KIF26B: variants seen among roughly 807,000 people sequenced by gnomAD.
KIF26B encodes the protein kinesin-like protein KIF26B.
In KIF26B, 63 loss-of-function variants were observed where a neutral mutation model predicts 151.2. The observed-to-expected ratio is 0.42, with a 90% CI of 0.34 to 0.51. The LOEUF is 0.51. Among genes scored for constraint, KIF26B ranks in the 20% least tolerant of loss-of-function variants. KIF26B has a pLI of 0.07. For synonymous variants in KIF26B, 1,357 were observed against 1,262.1 expected (o/e 1.08, Z -1.59); for missense variants, 2,813 against 2,913.6 (o/e 0.97, Z 0.79).
At chr1:245,175,995 TATATAG>T (rs1318443703) in intron 2 of KIF26B, among the ~76,000 whole-genome samples, 166 of 149,456 alleles carry the variant, frequency 1.1e-3, no homozygotes, top group African/African-American at 2.8e-3. Context: ...TAGATATAGA[TATATAG>T]ATATAGATAT....
intron 2 of KIF26B, among the ~76,000 whole-genome samples, chr1:245,284,000 G>A (rs769663498): frequency 1.3e-5 from 2 of 152,120 alleles, no homozygotes; most frequent in Non-Finnish European, 2.9e-5. Flanking sequence ...GAGAATATGA[G>A]CAGCACTTTT....
intron 4 of KIF26B, among the ~76,000 whole-genome samples, chr1:245,428,759 C>T (rs553773296): frequency 5.3e-5 from 8 of 152,178 alleles, no homozygotes; most frequent in Non-Finnish European, 1.2e-4. Context: ...GACTGGCGGC[C>T]GGTTGGGGTG....
chr1:245,475,932 T>G (rs948911298), intron 4 of KIF26B, among the ~76,000 whole-genome samples: 4 of 151,968 alleles, frequency 2.6e-5, no homozygotes, highest in Admixed American at 6.6e-5. Flanking sequence ...ACTGAAAACA[T>G]ACATCCACAC....
At chr1:245,331,103 G>A (rs1672100584) in intron 2 of KIF26B, among the ~76,000 whole-genome samples, 2 of 152,012 alleles carry the variant, frequency 1.3e-5, no homozygotes, top group Non-Finnish European at 2.9e-5. Flanking sequence ...GGGGGCGGTG[G>A]GAGTCTGCGG....
intron 2 of KIF26B, among the ~76,000 whole-genome samples, chr1:245,172,183 G>A (rs1890180): frequency 1 from 152,222 of 152,278 alleles, 76,083 homozygotes; most frequent in Non-Finnish European, 1. Flanking sequence ...TGACTAAGAC[G>A]CAGCCCTTGC....
chr1:245,523,380 TC>T (rs1481071788), intron 4 of KIF26B, among the ~76,000 whole-genome samples: 4 of 152,324 alleles, frequency 2.6e-5, no homozygotes, highest in African/African-American at 9.6e-5. Flanking sequence ...CTTGAGCAAT[TC>T]TCTACTCTAG....
intron 5 of KIF26B, among the ~76,000 whole-genome samples, chr1:245,541,561 G>A (rs773695774): frequency 3.9e-5 from 6 of 152,156 alleles, no homozygotes; most frequent in Admixed American, 6.5e-5. Context: ...TCTCCCTTCC[G>A]AGGAAAGCGT....
intron 2 of KIF26B, among the ~76,000 whole-genome samples, chr1:245,265,461 T>C (rs1573741620): frequency 6.6e-6 from 1 of 152,014 alleles, no homozygotes; most frequent in East Asian, 1.9e-4. Context: ...GCAATGAAGG[T>C]CCTCACATAT....
chr1:245,408,938 C>T (rs1008232700), intron 3 of KIF26B, among the ~76,000 whole-genome samples: 6 of 152,148 alleles, frequency 3.9e-5, no homozygotes, highest in African/African-American at 1.4e-4. Context: ...GAACAGAAGC[C>T]CGCTCATGGT....
intron 9 of KIF26B, among the ~76,000 whole-genome samples, chr1:245,636,860 T>TGTGTGTG (rs2043839556): frequency 6.7e-6 from 1 of 149,196 alleles, no homozygotes; most frequent in African/African-American, 2.5e-5. Flanking sequence ...TAATATTCCA[T>TGTGTGTG]TGTGTGTGTG....
intron 12 of KIF26B, among the ~76,000 whole-genome samples, chr1:245,695,612 T>A (rs919144113): frequency 6.6e-6 from 1 of 152,194 alleles, no homozygotes; most frequent in Non-Finnish European, 1.5e-5. Context: ...TCACTTCACC[T>A]TGAGAGGGAT....
chr1:245,609,222 C>T, intron 7 of KIF26B, 44 bp from the exon 8 acceptor site: 1 of 1,541,726 alleles, frequency 6.5e-7, no homozygotes, highest in Non-Finnish European at 8.8e-7. Context: ...TGGAATGATG[C>T]CTGGACACTG....
At chr1:245,652,664 G>C (rs1214403230) in intron 10 of KIF26B, among the ~76,000 whole-genome samples, 8 of 152,072 alleles carry the variant, frequency 5.3e-5, no homozygotes, top group African/African-American at 9.7e-5. Context: ...GGATCGGCCG[G>C]GGTCACAAAC....
chr1:245,522,334 T>C (rs1401644445), intron 4 of KIF26B, among the ~76,000 whole-genome samples: 2 of 145,378 alleles, frequency 1.4e-5, no homozygotes, highest in Non-Finnish European at 3.0e-5. Flanking sequence ...CCAGCTGTGT[T>C]AGTTAGCTTA....
intron 2 of KIF26B, among the ~76,000 whole-genome samples, chr1:245,200,926 T>G (rs1170308223): frequency 6.6e-6 from 1 of 152,238 alleles, no homozygotes; most frequent in African/African-American, 2.4e-5. Context: ...TGACCCCTGT[T>G]GATGCCTCTT....
intron 2 of KIF26B, among the ~76,000 whole-genome samples, chr1:245,235,503 G>T (rs1274704069): frequency 6.6e-6 from 1 of 152,188 alleles, no homozygotes; most frequent in East Asian, 1.9e-4. Context: ...AGAGGTGGGG[G>T]GATCGCTTGA....
At position 245,459,131 on chromosome 1, in the gene KIF26B, G is replaced by T. The variant is rs553270593; in HGVS notation, c.1166+39386G>T. On this transcript the variant is annotated intron_variant, in intron 4 of 14. Transcript: ENST00000407071. ...AGAGAAGACAGAGGTGGAAGAGGAA[G>T]TCCCTTCAGCAGGAATGCATTTCTC... Among the ~76,000 whole-genome samples, 3 of 152,308 alleles carry T rather than the reference G, an allele frequency of 2.0e-5. No individual in the cohort carries two copies. In the East Asian group the frequency reaches 5.8e-4, roughly 29 times the overall value.
At chr1:245,547,001 G>T (rs1014901654) in intron 5 of KIF26B, among the ~76,000 whole-genome samples, 14 of 152,186 alleles carry the variant, frequency 9.2e-5, no homozygotes, top group Admixed American at 7.9e-4. Flanking sequence ...TAATCTTCGC[G>T]GTTTCTTTTT....
intron 5 of KIF26B, among the ~76,000 whole-genome samples, chr1:245,590,174 G>A (rs1157789296): frequency 6.6e-6 from 1 of 150,882 alleles, no homozygotes; most frequent in Non-Finnish European, 1.5e-5. Context: ...GCAAGGGGAG[G>A]CCGAGGCGCC....
Sources: allele counts gnomAD v4.1 joint callset (sites outside exome capture counted in the v4.1 genomes callset), GRCh38; gene constraint gnomAD v4.1.1; transcripts MANE v1.5; gene names NCBI Gene and HGNC (gene_info 2026-07-23, HGNC 2026-07-21).